The following SGK1 variants were observed in gnomAD, a reference collection of about 807,000 sequenced individuals.
SGK1 encodes the protein serine/threonine-protein kinase Sgk1.
In SGK1, 26 loss-of-function variants were observed where a neutral mutation model predicts 64.2. The ratio of observed to expected loss-of-function variants is 0.40; its 90% CI spans 0.30 to 0.56. The LOEUF is 0.56. SGK1 is among the 20% of genes least tolerant of loss of function. The pLI is 0.38. For synonymous variants in SGK1, 265 were observed against 239.7 expected, an observed-to-expected ratio of 1.11 and a Z score of -0.98; for missense variants, 519 against 645.6, an observed-to-expected ratio of 0.80 and a Z score of 2.12.
At chr6:134,283,010 T>C (rs1777117810) in intron 1 of SGK1, 1 of 151,870 alleles carries the variant, frequency 6.6e-6, no homozygotes, top group South Asian at 2.1e-4. Context: ...GATGAGCCAA[T>C]GGATGGCGGT....
chr6:134,255,142 T>A (rs1424468925), intron 2 of SGK1, among the ~76,000 whole-genome samples: 1 of 152,208 alleles, frequency 6.6e-6, no homozygotes, highest in Non-Finnish European at 1.5e-5. Flanking sequence ...GTGCTGGGAT[T>A]ACAGGCGTGA....
At chr6:134,255,659 A>G (rs1451080095) in intron 2 of SGK1, among the ~76,000 whole-genome samples, 2 of 141,628 alleles carry the variant, frequency 1.4e-5, no homozygotes, top group Admixed American at 1.6e-4. Flanking sequence ...CTGGGTCACT[A>G]CAACCTCCAC....
intron 3 of SGK1, 58 bp from the exon 4 acceptor site, chr6:134,174,644 C>A (rs1775154733): frequency 6.2e-7 from 1 of 1,603,542 alleles, no homozygotes; most frequent in African/African-American, 1.3e-5. Context: ...ACGTCCGGCG[C>A]CACACACACT....
At chr6:134,289,520 CTTTA>C (rs1344250873) in intron 1 of SGK1, among the ~76,000 whole-genome samples, 3 of 152,122 alleles carry the variant, frequency 2.0e-5, no homozygotes, top group Non-Finnish European at 4.4e-5. Context: ...CAAACATATA[CTTTA>C]TTTAACTCAA....
chr6:134,210,790 C>T (rs891562763), intron 2 of SGK1, among the ~76,000 whole-genome samples: 15 of 132,168 alleles, frequency 1.1e-4, no homozygotes, highest in African/African-American at 3.3e-4. Flanking sequence ...CCTGCCTGGG[C>T]GACAGAGCAA....
intron 1 of SGK1, among the ~76,000 whole-genome samples, chr6:134,277,116 G>A (rs1777029627): frequency 1.3e-5 from 2 of 151,790 alleles, no homozygotes; most frequent in African/African-American, 4.8e-5. Context: ...GCTCACGCCT[G>A]TAACCCCAGC....
chr6:134,294,776 C>A (rs6940881), intron 1 of SGK1, among the ~76,000 whole-genome samples: 2 of 152,024 alleles, frequency 1.3e-5, no homozygotes, highest in South Asian at 4.1e-4. Flanking sequence ...GATCCTCCCC[C>A]CTTGGCCTCC....
At chr6:134,229,891 T>A (rs1245900987) in intron 2 of SGK1, among the ~76,000 whole-genome samples, 1 of 152,042 alleles carries the variant, frequency 6.6e-6, no homozygotes, top group Non-Finnish European at 1.5e-5. Context: ...AAAGAAAACA[T>A]CTTGTTTAGA....
At chr6:134,211,032 G>A (rs941889148) in intron 2 of SGK1, among the ~76,000 whole-genome samples, 1 of 151,660 alleles carries the variant, frequency 6.6e-6, no homozygotes, top group Non-Finnish European at 1.5e-5. Context: ...GCCTGAGGCA[G>A]GAGAATCGCT....
At chr6:134,283,430 G>C (rs927166920) in intron 1 of SGK1, among the ~76,000 whole-genome samples, 2 of 152,044 alleles carry the variant, frequency 1.3e-5, no homozygotes, top group Non-Finnish European at 2.9e-5. Flanking sequence ...GGTGGAGGTT[G>C]CAGTGAGCGA....
intron 1 of SGK1, among the ~76,000 whole-genome samples, chr6:134,295,185 TG>T (rs1268976896): frequency 6.6e-6 from 1 of 152,064 alleles, no homozygotes; most frequent in Non-Finnish European, 1.5e-5. Flanking sequence ...ATAGTGCAGT[TG>T]GGGAAGAGTA....
chr6:134,298,089 C>G, intron 1 of SGK1: 1 of 1,324,254 alleles, frequency 7.6e-7, no homozygotes, highest in African/African-American at 1.4e-5. Flanking sequence ...AGGTGAGACT[C>G]CAGCTCTACC....
At position 134,317,812 on chromosome 6, in the gene SGK1, T is replaced by G; in HGVS notation, c.-352A>C. 1 of 217,536 alleles carries G rather than the reference T, an allele frequency of 4.6e-6. No individual in the cohort carries two copies. Among genetic ancestry groups the G allele is most frequent in the Non-Finnish European group, 9.0e-6 (1 of 110,682 alleles). The allele number at this position is 217,536 out of a possible 1,614,324, so 13.5% of individuals were successfully genotyped here. ...AAGGGTACGCCTCCCCGCCCCCAGCTACCTGGCTGCTCTTCCGCGGCCGGC... is the reference window on the plus strand; with the variant it reads ...AAGGGTACGCCTCCCCGCCCCCAGCGACCTGGCTGCTCTTCCGCGGCCGGC... On this transcript the variant is annotated 5_prime_UTR_variant, in exon 1 of 14. Coordinates refer to ENST00000367858, the MANE Select transcript of SGK1 (RefSeq NM_001143676.3).
chr6:134,174,241 C>A (rs1463431253), intron 4 of SGK1, 161 bp from the exon 5 acceptor site: 1 of 610,486 alleles, frequency 1.6e-6, no homozygotes, highest in Admixed American at 3.2e-5. Flanking sequence ...ATAATAAACC[C>A]CATTAAATAC....
intron 2 of SGK1, among the ~76,000 whole-genome samples, chr6:134,240,398 T>C (rs1031804976): frequency 1.3e-5 from 2 of 151,964 alleles, no homozygotes; most frequent in African/African-American, 4.8e-5. Flanking sequence ...TCAGTAGATT[T>C]ATGGAGGAAT....
At chr6:134,188,898 ATTTC>A (rs1296730417) in intron 3 of SGK1, among the ~76,000 whole-genome samples, 12 of 127,476 alleles carry the variant, frequency 9.4e-5, no homozygotes, top group Non-Finnish European at 9.6e-5. Flanking sequence ...ATGCCTAGCT[ATTTC>A]TTTTTCTTTT....
rs147865528 is a variant in SGK1, at chr6:134,296,391, C to T, written c.69+21001G>A. On this transcript the variant is annotated intron_variant, in intron 1 of 13. Transcript: ENST00000367858. ...GGTTCAAGCAATCCTCTCACTTCAGCCTTCCAAGTAGTTAGGACTACAGGC... is the reference window on the plus strand; with the variant it reads ...GGTTCAAGCAATCCTCTCACTTCAGTCTTCCAAGTAGTTAGGACTACAGGC... Among the ~76,000 whole-genome samples, 690 of 152,246 alleles carry T rather than the reference C, an allele frequency of 4.5e-3. 5 individuals are homozygous for T. Among genetic ancestry groups the T allele is most frequent in the Middle Eastern group, 0.014 (4 of 294 alleles).
chr6:134,185,555 A>AGTGTGTGTGTGTGTGTGTGT (rs55653141), intron 3 of SGK1, among the ~76,000 whole-genome samples: 18 of 145,314 alleles, frequency 1.2e-4, no homozygotes, highest in Non-Finnish European at 2.4e-4. Flanking sequence ...TATCTCTATG[A>AGTGTGTGTGTGTGTGTGTGT]GTGTGTGTGT....
intron 2 of SGK1, among the ~76,000 whole-genome samples, chr6:134,255,757 G>T (rs1431586781): frequency 1.3e-5 from 2 of 151,508 alleles, no homozygotes; most frequent in African/African-American, 4.9e-5. Flanking sequence ...GCTAATTTTT[G>T]TATTTTTAGT....
Sources: gnomAD v4.1 joint callset for allele counts (sites outside exome capture counted in the v4.1 genomes callset) on GRCh38, gnomAD v4.1.1 for gene constraint, MANE v1.5 for transcripts, NCBI Gene and HGNC (gene_info 2026-07-23, HGNC 2026-07-21) for gene names.